The following PCLO variants were observed in gnomAD, a reference collection of about 807,000 sequenced individuals.
PCLO encodes piccolo presynaptic cytomatrix protein.
Under a neutral mutation model 427.5 loss-of-function variants are expected in PCLO, and 82 were observed. The ratio of observed to expected loss-of-function variants is 0.19; its 90% CI spans 0.16 to 0.23. The LOEUF is 0.23. Ranked by LOEUF, PCLO falls within the 10% of genes least tolerant of loss-of-function variation. PCLO has a pLI of 1.00. For synonymous variants in PCLO, 2,357 were observed against 2,155.4 expected (o/e 1.09, Z -2.59); for missense variants, 6,239 against 6,115.9 (o/e 1.02, Z -0.67).
In PCLO at chr7:82,915,344, A is replaced by T; in HGVS notation, c.12642T>A (p.Pro4214=). The change falls in exon 7 of 25, where the codon CCT becomes CCA. Residue 4214 remains proline, a synonymous_variant. Transcript: ENST00000333891. ...TAGAAGTCATATAGCTTGAATAATC[A>T]GGTTCAAGGTCTCTACTTTCTTGAA... The part of the protein sequence containing the change: ...SPIQESRDLE[P]DYSSYMTSST... 2 of 1,613,400 alleles carry T rather than the reference A, an allele frequency of 1.2e-6. No homozygotes were observed. Among genetic ancestry groups the T allele is most frequent in the Non-Finnish European group, 1.7e-6 (2 of 1,179,566 alleles).
At chr7:83,093,492 A>ATATATATATATTTTTTT in intron 3 of PCLO, among the ~76,000 whole-genome samples, 1 of 59,320 alleles carries the variant, frequency 1.7e-5, no homozygotes, top group Non-Finnish European at 3.3e-5. Context: ...ATATATATAT[A>ATATATATATATTTTTTT]TTTTTTTTTT....
Position 83,155,542 on chromosome 7 carries a change from C to G in PCLO, c.1099G>C (p.Gly367Arg), listed in dbSNP as rs1792264322. 6.2e-7 allele frequency: 1 copy of G among 1,612,592 alleles called. No individual in the cohort carries two copies. Among genetic ancestry groups the G allele is most frequent in the Admixed American group, 1.7e-5 (1 of 59,848 alleles). ...TGCTGAGCTGGAGGCTTAGCAGGAC[C>G]AAGAGGCTGAGCTGGAGGCTTTGTT... ...GTTKPPAQPL[G>R]PAKPPAQQTG... The change falls in exon 2 of 25, where the codon GGT (glycine) becomes CGT (arginine). Residue 367 changes from glycine (G) to arginine (R), a missense_variant. By Grantham distance (125) the Gly-to-Arg change is moderately radical. This residue lies in a region of PCLO where 4,677 missense variants were observed against 4,468.4 expected (regional missense o/e 1.05). Coordinates refer to ENST00000333891, the MANE Select transcript of PCLO (RefSeq NM_033026.6).
intron 3 of PCLO, among the ~76,000 whole-genome samples, chr7:83,079,147 T>C (rs1006684516): frequency 6.6e-6 from 1 of 152,114 alleles, no homozygotes. Flanking sequence ...GGAATTAAAA[T>C]TAGGACTACA....
At chr7:83,098,069 G>C (rs1437718661) in intron 3 of PCLO, among the ~76,000 whole-genome samples, 1 of 152,028 alleles carries the variant, frequency 6.6e-6, no homozygotes, top group East Asian at 1.9e-4. Context: ...GAATAAGTTA[G>C]ATAGTTTATT....
rs770878806 is a variant in PCLO at position 82,758,668 on chromosome 7, A to G, written c.15336T>C (p.Ile5112=). The part of the protein sequence containing the change: ...NGGKFMKKTL[I]GEACIWLDKV... ...TGTCAAGCCAGATACAGGCTTCACC[A>G]ATCAAGGTCTTTTTCATAAACTTCC... Residue 5112 remains isoleucine, a synonymous_variant, in exon 25 of 25, where the codon ATT becomes ATC. Coordinates refer to ENST00000333891, the MANE Select transcript of PCLO (RefSeq NM_033026.6). 4.4e-6 allele frequency: 7 copies of G among 1,608,984 alleles called. No individual in the cohort carries two copies. The highest frequency in any genetic ancestry group is 1.3e-5 in the African/African-American group (1 of 74,752).
At chr7:82,886,087 A>G (rs1037698063) in intron 9 of PCLO, among the ~76,000 whole-genome samples, 9 of 152,148 alleles carry the variant, frequency 5.9e-5, no homozygotes, top group African/African-American at 2.2e-4. Context: ...CAAGATATGA[A>G]AAAAGGTGTT....
intron 3 of PCLO, among the ~76,000 whole-genome samples, chr7:83,108,976 G>T (rs1048590148): frequency 7.3e-5 from 11 of 151,396 alleles, no homozygotes; most frequent in African/African-American, 2.7e-4. Flanking sequence ...GGCAAAAGCT[G>T]AAATTGCTTT....
At chr7:82,822,734 TC>T (rs1791826862) in intron 19 of PCLO, 45 bp from the exon 20 acceptor site, 1 of 1,540,742 alleles carries the variant, frequency 6.5e-7, no homozygotes, top group East Asian at 2.2e-5. Context: ...GTTCCAGCAT[TC>T]CTCCTATCAA....
intron 3 of PCLO, among the ~76,000 whole-genome samples, chr7:83,047,029 G>C (rs906054804): frequency 1.1e-4 from 17 of 151,924 alleles, no homozygotes; most frequent in African/African-American, 4.1e-4. Context: ...TTCTTATCTT[G>C]AGAGCTACTA....
intron 22 of PCLO, among the ~76,000 whole-genome samples, chr7:82,777,591 C>T (rs1487611109): frequency 5.9e-5 from 9 of 152,064 alleles, no homozygotes; most frequent in African/African-American, 2.2e-4. Context: ...AGAAATAAGG[C>T]TGTACACCTA....
intron 3 of PCLO, among the ~76,000 whole-genome samples, 195 bp from the exon 4 acceptor site, chr7:82,966,682 G>A (rs541168629): frequency 6.6e-6 from 1 of 152,186 alleles, no homozygotes; most frequent in South Asian, 2.1e-4. Context: ...CTGTAAAACT[G>A]TATAGAATTT....
At chr7:82,760,211 A>G (rs1025756348) in intron 24 of PCLO, among the ~76,000 whole-genome samples, 9 of 152,012 alleles carry the variant, frequency 5.9e-5, no homozygotes, top group African/African-American at 7.2e-5. Flanking sequence ...ATGATTCAAG[A>G]TAATGGTGAG....
chr7:82,899,421 G>A (rs974753025), intron 9 of PCLO, among the ~76,000 whole-genome samples: 1 of 151,330 alleles, frequency 6.6e-6, no homozygotes, highest in Non-Finnish European at 1.5e-5. Context: ...ATATGTAGAT[G>A]TATTTACAAA....
Position 82,951,073 on chromosome 7 carries a change from G to C in PCLO, c.9515C>G (p.Ser3172Cys), listed in dbSNP as rs772303643. Residue 3172 changes from serine (S) to cysteine (C), a missense_variant, in exon 6 of 25, where the codon TCT becomes TGT. By Grantham distance (112) the Ser-to-Cys change is moderately radical (BLOSUM62 -1). Around this residue, in one of 5 missense-constraint regions of PCLO, gnomAD observed 4,677 missense variants for 4,468.4 expected, o/e 1.05. Transcript: ENST00000333891. ...AGAGTCTATCGTCTCAGCAGTAAGA[G>C]ACTCCATAGTAATAGTTTGCAAACT... ...SASLQTITME[S>C]LTAETIDSVP... 3.1e-6 allele frequency: 5 copies of C among 1,613,766 alleles called. No individual in the cohort carries two copies. Among genetic ancestry groups the C allele is most frequent in the Non-Finnish European group, 4.2e-6 (5 of 1,179,842 alleles).
At chr7:82,833,786 C>T (rs1378033234) in intron 16 of PCLO, among the ~76,000 whole-genome samples, 1 of 151,992 alleles carries the variant, frequency 6.6e-6, no homozygotes. Context: ...TGATTGAAAG[C>T]TTATTATGTT....
intron 3 of PCLO, among the ~76,000 whole-genome samples, chr7:82,971,608 TATG>T (rs1383862490): frequency 1.4e-5 from 2 of 147,776 alleles, no homozygotes; most frequent in African/African-American, 4.9e-5. Context: ...TGATATGATA[TATG>T]ATATCGTATA....
At chr7:82,928,380 T>C (rs187758833) in intron 6 of PCLO, among the ~76,000 whole-genome samples, 3 of 152,306 alleles carry the variant, frequency 2.0e-5, no homozygotes, top group Non-Finnish European at 4.4e-5. Flanking sequence ...ATAATCTTTA[T>C]TTATATAACA....
At chr7:82,963,292 A>G (rs1795693295) in intron 4 of PCLO, among the ~76,000 whole-genome samples, 1 of 152,100 alleles carries the variant, frequency 6.6e-6, no homozygotes, top group Non-Finnish European at 1.5e-5. Flanking sequence ...AACCTTCTAG[A>G]CAAAGAAATG....
chr7:83,072,383 ATAT>A (rs1304957895), intron 3 of PCLO, among the ~76,000 whole-genome samples: 1 of 152,110 alleles, frequency 6.6e-6, no homozygotes, highest in Non-Finnish European at 1.5e-5. Flanking sequence ...TTAAAAAATA[ATAT>A]TATCCAAAAT....
Sources: gnomAD v4.1 joint callset for allele counts (sites outside exome capture counted in the v4.1 genomes callset) on GRCh38, gnomAD v4.1.1 for gene constraint, gnomAD v4.1.1 regional missense constraint, MANE v1.5 for transcripts, NCBI Gene and HGNC (gene_info 2026-07-23, HGNC 2026-07-21) for gene names.